Variants in NRXN1 observed in about 807,000 individuals in gnomAD.
NRXN1 encodes the protein neurexin 1.
A neutral mutation model predicts 150.9 loss-of-function variants in NRXN1; 39 were observed. The ratio of observed to expected loss-of-function variants is 0.26; its 90% CI spans 0.20 to 0.34. NRXN1 has a LOEUF of 0.34. NRXN1 is among the 10% of genes least tolerant of loss of function. The pLI is 1.00. For synonymous variants in NRXN1, 924 were observed against 757.0 expected, an observed-to-expected ratio of 1.22 and a Z score of -3.62; for missense variants, 1,815 against 1,949.9, an observed-to-expected ratio of 0.93 and a Z score of 1.30.
intron 18 of NRXN1, among the ~76,000 whole-genome samples, chr2:50,190,671 G>C (rs1277713344): frequency 7.0e-6 from 1 of 142,672 alleles, no homozygotes; most frequent in Admixed American, 7.3e-5. Context: ...GGAGTGCAAT[G>C]GCGTGATCTT....
At chr2:50,797,907 A>G (rs1055578203) in intron 5 of NRXN1, among the ~76,000 whole-genome samples, 2 of 152,202 alleles carry the variant, frequency 1.3e-5, no homozygotes, top group African/African-American at 4.8e-5. Context: ...GTGTAAGCTA[A>G]AAGAACAGTT....
At chr2:49,970,639 G>A (rs902137496) in intron 21 of NRXN1, 9 of 152,180 alleles carry the variant, frequency 5.9e-5, no homozygotes, top group African/African-American at 2.2e-4. Context: ...ATGTAAATAA[G>A]ATAGCAGAAG....
At chr2:49,931,671 T>C (rs558487054) in intron 22 of NRXN1, among the ~76,000 whole-genome samples, 1 of 152,120 alleles carries the variant, frequency 6.6e-6, no homozygotes, top group East Asian at 1.9e-4. Flanking sequence ...AAAATCAGTT[T>C]CAAAACTAGG....
At chr2:50,558,698 C>T (rs2105376794) in intron 8 of NRXN1, among the ~76,000 whole-genome samples, 1 of 152,256 alleles carries the variant, frequency 6.6e-6, no homozygotes, top group South Asian at 2.1e-4. Context: ...TTTAAAGGGA[C>T]TGTTGCTTTA....
intron 17 of NRXN1, 115 bp downstream of exon 17, chr2:50,465,327 A>G: frequency 9.6e-7 from 1 of 1,038,870 alleles, no homozygotes; most frequent in Non-Finnish European, 1.3e-6. Context: ...TCTATGGGTT[A>G]TGACAGTTCG....
Position 50,025,706 on chromosome 2 carries a change from T to A in NRXN1, c.4128+27565A>T, listed in dbSNP as rs576083654. On this transcript the variant is annotated intron_variant, in intron 21 of 22. Transcript: ENST00000401669. Reference sequence around the variant, plus strand: ...CATCTATAGTGCCAGGAATGTTGCATGCATCATCTGTCATAATTTTTACAA... The same window carrying A: ...CATCTATAGTGCCAGGAATGTTGCAAGCATCATCTGTCATAATTTTTACAA... Among the ~76,000 whole-genome samples, 8 of 152,350 alleles carry A rather than the reference T, an allele frequency of 5.3e-5. No homozygotes were observed. In the South Asian group the frequency reaches 1.4e-3, roughly 28 times the overall value.
intron 2 of NRXN1, among the ~76,000 whole-genome samples, chr2:50,952,525 G>A (rs1457563511): frequency 1.3e-5 from 2 of 151,950 alleles, no homozygotes; most frequent in Admixed American, 6.5e-5. Flanking sequence ...CTACATGGTA[G>A]GCACAGCTGT....
At chr2:50,351,002 G>A (rs1170399120) in intron 17 of NRXN1, among the ~76,000 whole-genome samples, 3 of 152,164 alleles carry the variant, frequency 2.0e-5, no homozygotes, top group African/African-American at 7.2e-5. Flanking sequence ...GTGGAACAAG[G>A]AGCAATTCTC....
intron 18 of NRXN1, among the ~76,000 whole-genome samples, chr2:50,099,363 TTC>T (rs2152708043): frequency 1.0e-5 from 1 of 96,250 alleles, no homozygotes; most frequent in South Asian, 2.8e-4. Context: ...CACATCAATT[TTC>T]TTTTTTTTAA....
At chr2:50,114,450 G>A (rs1702766509) in intron 18 of NRXN1, among the ~76,000 whole-genome samples, 1 of 152,070 alleles carries the variant, frequency 6.6e-6, no homozygotes, top group African/African-American at 2.4e-5. Context: ...CATTGTAGTA[G>A]TTTCTTACTA....
At chr2:50,835,943 C>T (rs763299654) in intron 5 of NRXN1, among the ~76,000 whole-genome samples, 2 of 152,246 alleles carry the variant, frequency 1.3e-5, no homozygotes, top group Non-Finnish European at 1.5e-5. Flanking sequence ...CTGCATTAAT[C>T]ACATGTTAAA....
intron 17 of NRXN1, among the ~76,000 whole-genome samples, chr2:50,240,288 G>C (rs1260503774): frequency 6.6e-6 from 1 of 151,644 alleles, no homozygotes; most frequent in East Asian, 1.9e-4. Flanking sequence ...CCTGAGAGCA[G>C]TCTTTCTTAG....
intron 21 of NRXN1, among the ~76,000 whole-genome samples, chr2:50,002,477 A>T (rs1287211203): frequency 2.0e-5 from 3 of 152,114 alleles, no homozygotes; most frequent in Non-Finnish European, 4.4e-5. Context: ...GAATGGCAAG[A>T]ATATTAGGAT....
chr2:50,995,404 C>T (rs969823280), intron 2 of NRXN1, among the ~76,000 whole-genome samples: 3 of 151,970 alleles, frequency 2.0e-5, no homozygotes, highest in Admixed American at 6.6e-5. Flanking sequence ...TGAGACCAGC[C>T]TGTCCAACAG....
At chr2:50,387,711 G>C (rs923907104) in intron 17 of NRXN1, among the ~76,000 whole-genome samples, 2 of 152,008 alleles carry the variant, frequency 1.3e-5, no homozygotes, top group African/African-American at 4.8e-5. Context: ...GCTTCTCTTC[G>C]GGGAATCTGT....
intron 17 of NRXN1, among the ~76,000 whole-genome samples, chr2:50,404,472 G>A (rs1267238586): frequency 2.0e-5 from 3 of 152,054 alleles, no homozygotes; most frequent in African/African-American, 7.2e-5. Flanking sequence ...AAGCTTCTTA[G>A]CAGAACTTCA....
intron 5 of NRXN1, among the ~76,000 whole-genome samples, chr2:50,707,876 G>T (rs940002741): frequency 5.3e-5 from 8 of 152,112 alleles, no homozygotes; most frequent in Non-Finnish European, 8.8e-5. Flanking sequence ...TATATTAACA[G>T]TGTTTACATT....
chr2:51,003,521 T>G (rs1265708685), intron 2 of NRXN1, among the ~76,000 whole-genome samples: 1 of 152,008 alleles, frequency 6.6e-6, no homozygotes, highest in African/African-American at 2.4e-5. Context: ...AAATTTGATT[T>G]ATTTAGTTGT....
At chr2:50,914,604 G>C (rs1487311391) in intron 5 of NRXN1, among the ~76,000 whole-genome samples, 1 of 151,692 alleles carries the variant, frequency 6.6e-6, no homozygotes, top group Non-Finnish European at 1.5e-5. Flanking sequence ...AAAATTTCTA[G>C]AGGCTTCTTG....
Sources: gnomAD v4.1 joint callset for allele counts (sites outside exome capture counted in the v4.1 genomes callset) on GRCh38, gnomAD v4.1.1 for gene constraint, MANE v1.5 for transcripts, NCBI Gene and HGNC (gene_info 2026-07-23, HGNC 2026-07-21) for gene names.